Variants in ADAMTS16 observed in about 807,000 individuals in gnomAD.
ADAMTS16 encodes ADAM metallopeptidase with thrombospondin type 1 motif 16.
In ADAMTS16, 94 loss-of-function variants were observed where a neutral mutation model predicts 145.8. The observed-to-expected ratio is 0.64, with a 90% confidence interval of 0.55 to 0.77. The LOEUF is 0.77. Among genes scored for constraint, ADAMTS16 ranks in the 30% least tolerant of loss-of-function variants. The pLI, the probability that ADAMTS16 is intolerant of heterozygous loss-of-function variation, is 0.00. For synonymous variants in ADAMTS16, 659 were observed against 604.3 expected (o/e 1.09, Z -1.33); for missense variants, 1,585 against 1,591.5 (o/e 1.00, Z 0.07).
chr5:5,188,934 C>T (rs1404436471), intron 6 of ADAMTS16, among the ~76,000 whole-genome samples: 3 of 152,140 alleles, frequency 2.0e-5, no homozygotes, highest in Non-Finnish European at 4.4e-5. Context: ...AAAGAATAAG[C>T]GAGGTTATCG....
intron 8 of ADAMTS16, among the ~76,000 whole-genome samples, chr5:5,192,100 C>T (rs1323260609): frequency 2.0e-5 from 3 of 152,208 alleles, no homozygotes; most frequent in Non-Finnish European, 2.9e-5. Flanking sequence ...CCTCTTACCT[C>T]ACCCTCCCAA....
At chr5:5,263,444 AC>A (rs889793147) in intron 18 of ADAMTS16, among the ~76,000 whole-genome samples, 3 of 152,220 alleles carry the variant, frequency 2.0e-5, no homozygotes, top group African/African-American at 7.2e-5. Context: ...GGGACATGTC[AC>A]AGAAGGTTGT....
In ADAMTS16 at chr5:5,303,709, G is replaced by A. The variant is rs1432817761; in HGVS notation, c.3129G>A (p.Leu1043=). 1.2e-6 allele frequency: 2 copies of A among 1,613,384 alleles called. No individual in the cohort carries two copies. The highest frequency in any genetic ancestry group is 1.7e-6 in the Non-Finnish European group (2 of 1,180,034). The change falls in exon 20 of 23, where the codon CTG becomes CTA. Residue 1043 remains leucine (L), a synonymous_variant. Coordinates refer to ENST00000274181, the MANE Select transcript of ADAMTS16 (RefSeq NM_139056.4). ...AGCCCAGGATGCATGAAGCCTGTCT[G>A]CTTCAGCGCTGCCACAAGCCCAAGA... is the stretch of plus-strand genomic sequence containing the variant. ...EPKPRMHEAC[L]LQRCHKPKKL...
intron 18 of ADAMTS16, among the ~76,000 whole-genome samples, chr5:5,275,342 A>C (rs963231259): frequency 1.3e-5 from 2 of 152,116 alleles, no homozygotes; most frequent in African/African-American, 4.8e-5. Context: ...GGCATTTTTG[A>C]GACTTCCTTT....
rs772554367 is a variant in ADAMTS16 at position 5,146,353 on chromosome 5, T to G, written c.399T>G (p.Thr133=). ...TGCAGACGTTGGGAAAGACAGGCACTAAGTCTGTGCAGACTTTACCGCCAG... is the reference window on the plus strand; with the variant it reads ...TGCAGACGTTGGGAAAGACAGGCACGAAGTCTGTGCAGACTTTACCGCCAG... The part of the protein sequence containing the change: ...FIVQTLGKTG[T]KSVQTLPPED... The change falls in exon 3 of 23, where the codon ACT becomes ACG. Residue 133 remains threonine (T), a synonymous_variant. Transcript: ENST00000274181. 1.7e-5 allele frequency: 27 copies of G among 1,614,214 alleles called. No individual in the cohort carries two copies. The highest frequency in any genetic ancestry group is 2.2e-5 in the Non-Finnish European group (26 of 1,180,044).
At chr5:5,295,816 G>A (rs549782224) in intron 18 of ADAMTS16, among the ~76,000 whole-genome samples, 10 of 152,322 alleles carry the variant, frequency 6.6e-5, no homozygotes, top group African/African-American at 1.4e-4. Flanking sequence ...GAAGGGTCTC[G>A]CACAGGAAGT....
intron 17 of ADAMTS16, 103 bp downstream of exon 17, chr5:5,242,294 T>C: frequency 7.0e-7 from 1 of 1,428,488 alleles, no homozygotes; most frequent in Middle Eastern, 2.5e-4. Flanking sequence ...GCCCGGGGCT[T>C]CTCCCTGCCA....
chr5:5,285,367 G>GC (rs1739066206), intron 18 of ADAMTS16, among the ~76,000 whole-genome samples: 1 of 152,180 alleles, frequency 6.6e-6, no homozygotes, highest in Non-Finnish European at 1.5e-5. Flanking sequence ...TGGCCACTGT[G>GC]CCCACATCTG....
At position 5,200,249 on chromosome 5, in the gene ADAMTS16, G is replaced by T; in HGVS notation, c.1431G>T (p.Gln477His). 1.9e-6 allele frequency: 3 copies of T among 1,613,010 alleles called. No homozygotes were observed. Among genetic ancestry groups the T allele is most frequent in the African/African-American group, 1.3e-5 (1 of 74,704 alleles). Reference sequence around the variant, plus strand: ...TCTCCTGGTCACCCTGCAGCCGCCAGTATCTACACAAATTTCTAAGGTAGG... The same window carrying T: ...TCTCCTGGTCACCCTGCAGCCGCCATTATCTACACAAATTTCTAAGGTAGG... ...GVFSWSPCSR[Q>H]YLHKFLSTAQ... Residue 477 changes from glutamine to histidine, a missense_variant, in exon 9 of 23, where the codon CAG (glutamine) becomes CAT (histidine). Transcript: ENST00000274181.
intron 21 of ADAMTS16, among the ~76,000 whole-genome samples, chr5:5,311,524 C>T (rs1190074560): frequency 4.7e-5 from 7 of 148,202 alleles, no homozygotes; most frequent in East Asian, 2.0e-4. Flanking sequence ...TGTGAGACGG[C>T]GTTGCTGTGT....
At chr5:5,178,465 T>A (rs1735254167) in intron 3 of ADAMTS16, among the ~76,000 whole-genome samples, 1 of 152,240 alleles carries the variant, frequency 6.6e-6, no homozygotes, top group Non-Finnish European at 1.5e-5. Context: ...ATTTACCTTA[T>A]CTTTTAGAAT....
At chr5:5,241,561 G>A (rs778494988) in intron 16 of ADAMTS16, among the ~76,000 whole-genome samples, 4 of 152,222 alleles carry the variant, frequency 2.6e-5, no homozygotes, top group Non-Finnish European at 4.4e-5. Context: ...CAGGAAGCAT[G>A]ACGATGCTTT....
Position 5,318,128 on chromosome 5 carries a change from TCA to T in ADAMTS16, c.3412-3_3412-2del. Reference sequence around the variant, plus strand: ...CCATGGTGACATGTGTGTGTTGCTCTCACAGTGCACGGCCAGCTGTGGGGGAG... The same window carrying T: ...CCATGGTGACATGTGTGTGTTGCTCTCAGTGCACGGCCAGCTGTGGGGGAG... On this transcript the variant is annotated splice_polypyrimidine_tract_variant and splice_region_variant and intron_variant, in intron 21 of 22. Transcript: ENST00000274181. 1 of 1,430,046 alleles carries T rather than the reference TCA, an allele frequency of 7.0e-7. No homozygotes were observed. The highest frequency in any genetic ancestry group is 1.6e-5 in the South Asian group (1 of 62,756). The allele number at this position is 1,430,046 out of a possible 1,614,324, so 88.6% of individuals were successfully genotyped here. A position where few individuals can be genotyped will look rare whatever the true frequency, so the allele number is the denominator to read the frequency against.
At chr5:5,160,716 A>T (rs1734718190) in intron 3 of ADAMTS16, among the ~76,000 whole-genome samples, 1 of 150,778 alleles carries the variant, frequency 6.6e-6, no homozygotes, top group Non-Finnish European at 1.5e-5. Context: ...GTGAAAGTGC[A>T]CCTGATCTTG....
chr5:5,182,300 A>G lies in ADAMTS16; in HGVS notation c.758A>G (p.Lys253Arg). The change falls in exon 4 of 23, where the codon AAG becomes AGG. Residue 253 changes from lysine (K) to arginine (R), a missense_variant. This residue lies in a region of ADAMTS16 where 453 missense variants were observed against 412.1 expected (regional missense o/e 1.10). Coordinates refer to ENST00000274181, the MANE Select transcript of ADAMTS16 (RefSeq NM_139056.4). ...AAGCAGCATTTCTGTGGAAGACGCA[A>G]GAAATGTATGTAAGGGCGAATCTTT... The part of the protein sequence containing the change: ...PQKQHFCGRR[K>R]KYMPQPPKED... 4 of 1,611,758 alleles carry G rather than the reference A, an allele frequency of 2.5e-6. No homozygotes were observed. The highest frequency in any genetic ancestry group is 3.4e-6 in the Non-Finnish European group (4 of 1,178,176).
At chr5:5,199,320 T>C (rs140353893) in intron 8 of ADAMTS16, among the ~76,000 whole-genome samples, 10 of 152,316 alleles carry the variant, frequency 6.6e-5, no homozygotes, top group African/African-American at 2.2e-4. Flanking sequence ...ATGGCCCCCA[T>C]TAAGGGTTCC....
chr5:5,248,863 T>A (rs550949230), intron 17 of ADAMTS16, among the ~76,000 whole-genome samples: 1 of 152,246 alleles, frequency 6.6e-6, no homozygotes, highest in South Asian at 2.1e-4. Context: ...GGAATAAACA[T>A]TTAAATTCAC....
intron 17 of ADAMTS16, among the ~76,000 whole-genome samples, chr5:5,249,061 C>T (rs930627394): frequency 3.3e-5 from 5 of 152,170 alleles, no homozygotes; most frequent in Non-Finnish European, 5.9e-5. Context: ...GTCTTCCAGT[C>T]TGAGTCTGAG....
intron 7 of ADAMTS16, among the ~76,000 whole-genome samples, 155 bp downstream of exon 7, chr5:5,190,285 C>G (rs1024505114): frequency 2.6e-5 from 4 of 152,118 alleles, no homozygotes; most frequent in African/African-American, 9.7e-5. Context: ...TAAACTTTAG[C>G]CAAACATAGA....
Sources: allele counts gnomAD v4.1 joint callset (sites outside exome capture counted in the v4.1 genomes callset), GRCh38; gene constraint gnomAD v4.1.1; regional missense constraint gnomAD v4.1.1; transcripts MANE v1.5; gene names NCBI Gene and HGNC (gene_info 2026-07-23, HGNC 2026-07-21).